LRRC37A2: variants seen among roughly 807,000 people sequenced by gnomAD.
LRRC37A2 encodes the protein leucine rich repeat containing 37 member A2.
Under a neutral mutation model 68.8 loss-of-function variants are expected in LRRC37A2, and 9 were observed. The ratio of observed to expected loss-of-function variants is 0.13; its 90% CI spans 0.08 to 0.23. The LOEUF is 0.23. Among genes scored for constraint, LRRC37A2 ranks in the 10% least tolerant of loss-of-function variants. The pLI, the probability that LRRC37A2 is intolerant of heterozygous loss-of-function variation, is 1.00. For synonymous variants in LRRC37A2, 63 were observed against 367.6 expected (o/e 0.17, Z 9.48); for missense variants, 168 against 950.4 (o/e 0.18, Z 10.82).
the LRRC37A2 span, among the ~76,000 whole-genome samples, chr17:46,767,560 G>A: frequency 3.3e-5 from 5 of 152,098 alleles, no homozygotes; most frequent in African/African-American, 1.2e-4. Flanking sequence ...CCACTTTATA[G>A]TAAGAAAGCT....
At chr17:46,931,500 C>CT in the LRRC37A2 span, 15 of 463,064 alleles carry the variant, frequency 3.2e-5, no homozygotes, top group African/African-American at 2.9e-4. Flanking sequence ...CACCTGAAGC[C>CT]TAATGTTGCC....
the LRRC37A2 span, among the ~76,000 whole-genome samples, chr17:46,572,972 A>T: frequency 6.5e-5 from 1 of 15,268 alleles, no homozygotes; most frequent in Non-Finnish European, 4.2e-4. Context: ...AGGACAGAAA[A>T]GGGAGGGAGG....
At chr17:47,017,744 T>G in the LRRC37A2 span, 1 of 1,610,796 alleles carries the variant, frequency 6.2e-7, no homozygotes. Context: ...AGAATGAATA[T>G]TCCAGTACAG....
chr17:46,975,971 G>A, the LRRC37A2 span, among the ~76,000 whole-genome samples: 1 of 152,080 alleles, frequency 6.6e-6, no homozygotes, highest in Admixed American at 6.5e-5. Context: ...CTGTCGCCCA[G>A]GCTGGAGTGC....
the LRRC37A2 span, chr17:46,931,247 C>T: frequency 1.1e-6 from 1 of 949,474 alleles, no homozygotes; most frequent in East Asian, 2.4e-5. Flanking sequence ...TACTCCAGGC[C>T]CATCAAGACA....
intron 6 of LRRC37A2, among the ~76,000 whole-genome samples, chr17:46,536,894 C>T (rs2054611683): frequency 9.4e-5 from 1 of 10,636 alleles, no homozygotes; most frequent in Non-Finnish European, 1.4e-4. Context: ...ATTCTGCTCC[C>T]TCTGGTTGGG....
the LRRC37A2 span, among the ~76,000 whole-genome samples, chr17:46,772,646 T>C: frequency 6.6e-6 from 1 of 152,364 alleles, no homozygotes; most frequent in Admixed American, 6.5e-5. Context: ...ATTGATTTGC[T>C]AATTACCCTC....
At chr17:47,001,966 T>G in the LRRC37A2 span, among the ~76,000 whole-genome samples, 2 of 152,090 alleles carry the variant, frequency 1.3e-5, no homozygotes, top group African/African-American at 4.8e-5. Flanking sequence ...CTTGAACTCC[T>G]CGCCTCAAGT....
At chr17:46,892,170 C>T in the LRRC37A2 span, among the ~76,000 whole-genome samples, 2 of 151,992 alleles carry the variant, frequency 1.3e-5, no homozygotes, top group East Asian at 3.9e-4. Context: ...CCACTTGCCT[C>T]GGCCTCCCAA....
chr17:46,730,469 A>G, the LRRC37A2 span, among the ~76,000 whole-genome samples: 26 of 152,196 alleles, frequency 1.7e-4, no homozygotes, highest in African/African-American at 6.3e-4. Flanking sequence ...TTTGTGATCC[A>G]AAGTAGATAC....
the LRRC37A2 span, chr17:46,941,887 C>CT: frequency 1.0e-6 from 1 of 981,308 alleles, no homozygotes; most frequent in Admixed American, 6.2e-5. Context: ...TACCTGGCCT[C>CT]TAAGGTGATT....
chr17:46,855,668 C>T, the LRRC37A2 span, among the ~76,000 whole-genome samples: 1 of 152,198 alleles, frequency 6.6e-6, no homozygotes, highest in Non-Finnish European at 1.5e-5. Context: ...ATGAGCTGGG[C>T]ACAAGACAGG....
At chr17:46,621,365 C>A in the LRRC37A2 span, among the ~76,000 whole-genome samples, 1 of 135,940 alleles carries the variant, frequency 7.4e-6, no homozygotes, top group East Asian at 2.1e-4. Flanking sequence ...CAGCTCACTG[C>A]AAGCTCCGCC....
At chr17:46,854,110 A>T in the LRRC37A2 span, among the ~76,000 whole-genome samples, 1 of 152,220 alleles carries the variant, frequency 6.6e-6, no homozygotes, top group African/African-American at 2.4e-5. Context: ...GGGGAGCAGG[A>T]CAGATGCTCA....
the LRRC37A2 span, among the ~76,000 whole-genome samples, chr17:46,769,077 G>A: frequency 6.6e-6 from 1 of 152,334 alleles, no homozygotes; most frequent in East Asian, 1.9e-4. Context: ...AGCACCTTGG[G>A]AGGCTGAGGC....
At chr17:46,792,826 A>G in the LRRC37A2 span, among the ~76,000 whole-genome samples, 6 of 152,220 alleles carry the variant, frequency 3.9e-5, no homozygotes, top group African/African-American at 9.6e-5. Flanking sequence ...ACTATGTGCC[A>G]GTTGCCATGT....
the LRRC37A2 span, chr17:46,939,976 T>C: frequency 8.9e-6 from 9 of 1,009,456 alleles, no homozygotes; most frequent in African/African-American, 1.6e-4. Context: ...AGACATAAAA[T>C]GACACTCAAA....
chr17:46,667,400 A>G, the LRRC37A2 span, among the ~76,000 whole-genome samples: 3 of 148,546 alleles, frequency 2.0e-5, no homozygotes, highest in African/African-American at 5.0e-5. Flanking sequence ...TCTACCTTTC[A>G]ATACTAAAAT....
chr17:46,888,377 T>G, the LRRC37A2 span, among the ~76,000 whole-genome samples: 1 of 152,190 alleles, frequency 6.6e-6, no homozygotes, highest in Non-Finnish European at 1.5e-5. Flanking sequence ...AGGATGTGCT[T>G]ACTGTATGGT....
Sources: allele counts gnomAD v4.1 joint callset (sites outside exome capture counted in the v4.1 genomes callset), GRCh38; gene constraint gnomAD v4.1.1; transcripts MANE v1.5; gene names NCBI Gene and HGNC (gene_info 2026-07-23, HGNC 2026-07-21).